Variants in PDZD2 observed in about 807,000 individuals in gnomAD.
The protein encoded by PDZD2 is PDZ domain-containing protein 2.
In PDZD2, 90 loss-of-function variants were observed where a neutral mutation model predicts 220.7. The observed-to-expected ratio is 0.41, with a 90% confidence interval of 0.34 to 0.49. The LOEUF (loss-of-function observed/expected upper bound fraction) is 0.49. PDZD2 is among the 20% of genes least tolerant of loss of function. The pLI, the probability that PDZD2 is intolerant of heterozygous loss-of-function variation, is 0.28. For missense variants in PDZD2, 3,174 were observed against 3,608.5 expected, an observed-to-expected ratio of 0.88 and a Z score of 3.08; for synonymous variants, 1,375 against 1,450.5, an observed-to-expected ratio of 0.95 and a Z score of 1.18.
rs547012980 is a variant in PDZD2 at position 31,798,503 on chromosome 5, T to C, written c.-360-386T>C. On this transcript the variant is annotated intron_variant, in intron 1 of 24. Coordinates refer to ENST00000438447, the MANE Select transcript of PDZD2 (RefSeq NM_178140.4). ...GACCAAGGCAAATCAACATAGATTT[T>C]CTTTTTTTAGGAGTGTAAGATTTTA... is the stretch of plus-strand genomic sequence containing the variant. Among the ~76,000 whole-genome samples the C allele has an allele frequency of 3.3e-5, 5 of 152,364 alleles. No individual in the cohort carries two copies. In the East Asian group the frequency reaches 7.7e-4, roughly 23 times the overall value.
intron 2 of PDZD2, among the ~76,000 whole-genome samples, chr5:31,857,492 A>G (rs767365841): frequency 1.3e-5 from 2 of 152,174 alleles, no homozygotes; most frequent in Non-Finnish European, 2.9e-5. Context: ...AGGTTGACAT[A>G]GGTTGCATGG....
intron 2 of PDZD2, among the ~76,000 whole-genome samples, chr5:31,873,762 C>T (rs991755795): frequency 2.7e-5 from 4 of 149,834 alleles, no homozygotes; most frequent in African/African-American, 9.8e-5. Context: ...CAGAGTTCCG[C>T]TCTTGTTGCC....
At chr5:31,728,167 G>C (rs1749293893) in intron 1 of PDZD2, among the ~76,000 whole-genome samples, 1 of 151,946 alleles carries the variant, frequency 6.6e-6, no homozygotes, top group Admixed American at 6.6e-5. Context: ...GCTGGGGTGA[G>C]GGACTTGGCA....
intron 1 of PDZD2, among the ~76,000 whole-genome samples, chr5:31,689,353 A>ATATATATATATATTTTTTTTTTTTCTTT: frequency 2.8e-5 from 1 of 35,142 alleles, no homozygotes. Flanking sequence ...ATATATATAT[A>ATATATATATATATTTTTTTTTTTTCTTT]TTTTTTTTTT....
At chr5:31,818,712 G>T (rs183004962) in intron 2 of PDZD2, among the ~76,000 whole-genome samples, 4 of 151,988 alleles carry the variant, frequency 2.6e-5, no homozygotes, top group Non-Finnish European at 4.4e-5. Flanking sequence ...CAGATACCCC[G>T]TCTCTCCTCC....
chr5:31,753,258 G>A (rs1751114791), intron 1 of PDZD2, among the ~76,000 whole-genome samples: 4 of 152,178 alleles, frequency 2.6e-5, no homozygotes, highest in South Asian at 4.1e-4. Flanking sequence ...AAAAGCATAC[G>A]TGCATGATGA....
chr5:31,740,544 A>AAAAAG (rs1446453950), intron 1 of PDZD2, among the ~76,000 whole-genome samples: 1 of 137,708 alleles, frequency 7.3e-6, no homozygotes, highest in Non-Finnish European at 1.5e-5. Context: ...AAAAAAAAAA[A>AAAAAG]AAAAAAAAAA....
intron 2 of PDZD2, chr5:31,840,652 G>A (rs1031337188): frequency 2.1e-5 from 15 of 727,334 alleles, no homozygotes; most frequent in African/African-American, 3.5e-5. Context: ...TTCCTCACGC[G>A]TTTCAGGAAG....
intron 1 of PDZD2, among the ~76,000 whole-genome samples, chr5:31,723,833 G>A (rs545566673): frequency 1.1e-3 from 172 of 152,190 alleles, no homozygotes; most frequent in African/African-American, 3.8e-3. Flanking sequence ...GGCCAGGCTG[G>A]TCTCGAACTC....
chr5:32,100,155 C>G (rs1393837756), intron 23 of PDZD2: 1 of 152,670 alleles, frequency 6.6e-6, no homozygotes, highest in Non-Finnish European at 1.5e-5. Flanking sequence ...ATGCTCCCCC[C>G]AGTGTTAGTA....
At chr5:31,936,972 G>C (rs1435662919) in intron 2 of PDZD2, among the ~76,000 whole-genome samples, 1 of 152,174 alleles carries the variant, frequency 6.6e-6, no homozygotes, top group Non-Finnish European at 1.5e-5. Context: ...TGGGGGGAGT[G>C]CAGAGGGTTG....
intron 24 of PDZD2, among the ~76,000 whole-genome samples, chr5:32,105,101 T>A (rs1744634454): frequency 1.3e-5 from 2 of 151,954 alleles, no homozygotes; most frequent in Admixed American, 6.6e-5. Flanking sequence ...GCCACAGCAC[T>A]CCAGCCTGGG....
chr5:32,064,093 T>C (rs542249810), intron 14 of PDZD2, among the ~76,000 whole-genome samples: 1 of 152,336 alleles, frequency 6.6e-6, no homozygotes, highest in South Asian at 2.1e-4. Context: ...TTGGCTGTTA[T>C]TTGGTTATAT....
At chr5:31,903,396 A>G (rs1742288405) in intron 2 of PDZD2, among the ~76,000 whole-genome samples, 1 of 151,938 alleles carries the variant, frequency 6.6e-6, no homozygotes, top group Non-Finnish European at 1.5e-5. Flanking sequence ...CCTATAATCC[A>G]AACACTTTGG....
At position 32,110,111 on chromosome 5, in the gene PDZD2, A is replaced by AGAC. The variant is rs1284782499; in HGVS notation, c.*1977_*1979dup. 1 of 152,642 alleles carries AGAC rather than the reference A, an allele frequency of 6.6e-6. No homozygotes were observed. Among genetic ancestry groups the AGAC allele is most frequent in the African/African-American group, 2.4e-5 (1 of 41,442 alleles). 9.5% of individuals were successfully genotyped at this position (152,642 alleles called of 1,614,324 possible). A position where few individuals can be genotyped will look rare whatever the true frequency, so the allele number is the denominator to read the frequency against. The stretch of plus-strand genomic sequence containing the variant: ...GTTTCTGCTTTCTTGCCTAAATCAA[A>AGAC]GACTATTTCAAGTCAACAACACTGA... On this transcript the variant is annotated 3_prime_UTR_variant, in exon 25 of 25. Coordinates refer to ENST00000438447, the MANE Select transcript of PDZD2 (RefSeq NM_178140.4).
At chr5:31,988,679 C>A (rs1449530299) in intron 3 of PDZD2, among the ~76,000 whole-genome samples, 1 of 151,918 alleles carries the variant, frequency 6.6e-6, no homozygotes, top group African/African-American at 2.4e-5. Flanking sequence ...GGTAACTAAC[C>A]CCCGTCTGGA....
At chr5:31,696,566 G>A (rs892709412) in intron 1 of PDZD2, among the ~76,000 whole-genome samples, 1 of 152,188 alleles carries the variant, frequency 6.6e-6, no homozygotes, top group Non-Finnish European at 1.5e-5. Context: ...GCCTCCCAAA[G>A]TGTTGGGATT....
chr5:31,886,847 G>A lies in PDZD2; in HGVS notation c.476+87123G>A, dbSNP rs570510484. Among the ~76,000 whole-genome samples the A allele has an allele frequency of 1.7e-4, 26 of 152,220 alleles. No homozygotes were observed. The South Asian group carries it at 3.1e-3, about 18-fold the overall frequency. On this transcript the variant is annotated intron_variant, in intron 2 of 24. Coordinates refer to ENST00000438447, the MANE Select transcript of PDZD2 (RefSeq NM_178140.4). ...CGAGTAGCTGGCACTACAGGCGCCT[G>A]CCACCACACCCAGCTATTTTTTTGT...
At chr5:31,990,639 A>G (rs6869302) in intron 3 of PDZD2, among the ~76,000 whole-genome samples, 27,750 of 152,184 alleles carry the variant, frequency 0.18, 2,715 homozygotes, top group African/African-American at 0.23. Context: ...ATTAGCGGAT[A>G]AACATTCTAT....
Sources: gnomAD v4.1 joint callset for allele counts (sites outside exome capture counted in the v4.1 genomes callset) on GRCh38, gnomAD v4.1.1 for gene constraint, MANE v1.5 for transcripts, NCBI Gene and HGNC (gene_info 2026-07-23, HGNC 2026-07-21) for gene names.